Variants in TBC1D12 observed in about 807,000 individuals in gnomAD.
TBC1D12 encodes TBC1 domain family member 12.
In TBC1D12, 56 loss-of-function variants were observed where a neutral mutation model predicts 86.7. The observed-to-expected ratio is 0.65, with a 90% CI of 0.52 to 0.81. TBC1D12 has a LOEUF of 0.81. TBC1D12 is among the 30% of genes least tolerant of loss of function. TBC1D12 has a pLI of 0.00. For missense variants in TBC1D12, 1,023 were observed against 1,038.8 expected, an observed-to-expected ratio of 0.98 and a Z score of 0.21; for synonymous variants, 421 against 411.7, an observed-to-expected ratio of 1.02 and a Z score of -0.27.
chr10:94,417,898 G>A (rs1421872812), intron 1 of TBC1D12, among the ~76,000 whole-genome samples: 2 of 151,688 alleles, frequency 1.3e-5, no homozygotes, highest in Non-Finnish European at 2.9e-5. Context: ...ACAGGCGCCC[G>A]CCACCACGGC....
chr10:94,417,750 C>CA (rs1314856801), intron 1 of TBC1D12, among the ~76,000 whole-genome samples: 1 of 131,736 alleles, frequency 7.6e-6, no homozygotes, highest in Non-Finnish European at 1.6e-5. Flanking sequence ...GTCTCTTCTT[C>CA]TTTTTTTTTT....
chr10:94,448,932 G>A (rs896098251), intron 2 of TBC1D12, among the ~76,000 whole-genome samples: 1 of 152,094 alleles, frequency 6.6e-6, no homozygotes, highest in Non-Finnish European at 1.5e-5. Flanking sequence ...GCATTTCTGT[G>A]TATAAATGGA....
At position 94,403,540 on chromosome 10, in the gene TBC1D12, G is replaced by T; in HGVS notation, c.927G>T (p.Ser309=). ...PAAEQGPAGA[S]ARARRSGGFA... is the part of the protein sequence containing the mutation. The stretch of plus-strand genomic sequence containing the variant: ...CGGAGCAGGGTCCTGCGGGGGCTTC[G>T]GCCCGGGCTCGACGGAGTGGCGGCT... Residue 309 remains serine (S), a synonymous_variant, in exon 1 of 13, where the codon TCG becomes TCT. Transcript: ENST00000225235. The T allele has an allele frequency of 4.6e-6, 7 of 1,519,410 alleles. No individual in the cohort carries two copies. The highest frequency in any genetic ancestry group is 6.1e-6 in the Non-Finnish European group (7 of 1,143,472). 94.1% of individuals were successfully genotyped at this position (1,519,410 alleles called of 1,614,324 possible).
chr10:94,440,309 CA>C (rs2055361728), intron 1 of TBC1D12, among the ~76,000 whole-genome samples: 1 of 151,958 alleles, frequency 6.6e-6, no homozygotes, highest in Non-Finnish European at 1.5e-5. Flanking sequence ...GCAGGGACTA[CA>C]AGGTGTGCAC....
chr10:94,422,673 C>T (rs2055091658), intron 1 of TBC1D12, among the ~76,000 whole-genome samples: 1 of 152,214 alleles, frequency 6.6e-6, no homozygotes, highest in Admixed American at 6.5e-5. Context: ...CTCCTGCGCT[C>T]AAGCAGTCTT....
intron 2 of TBC1D12, among the ~76,000 whole-genome samples, chr10:94,452,510 A>G (rs563018528): frequency 6.6e-6 from 1 of 152,214 alleles, no homozygotes; most frequent in African/African-American, 2.4e-5. Flanking sequence ...CCTTTTCCAG[A>G]CTATTATGTA....
chr10:94,459,043 C>T lies in TBC1D12; in HGVS notation c.1096-15625C>T, dbSNP rs143439625. On this transcript the variant is annotated intron_variant, in intron 2 of 12. Coordinates refer to ENST00000225235, the MANE Select transcript of TBC1D12 (RefSeq NM_015188.2). The stretch of plus-strand genomic sequence containing the variant: ...TTTTATTTCTTTATCTGGCCCCACC[C>T]GCAGCCTACTGATTGGTCCATTTTA... Among the ~76,000 whole-genome samples, 13 of 151,526 alleles carry T rather than the reference C, an allele frequency of 8.6e-5. No individual in the cohort carries two copies. The East Asian group carries it at 1.2e-3, about 14-fold the overall frequency.
chr10:94,512,588 T>G (rs191371414), intron 9 of TBC1D12, among the ~76,000 whole-genome samples: 21 of 152,332 alleles, frequency 1.4e-4, no homozygotes, highest in Admixed American at 1.3e-3. Context: ...TCTGTCCTTA[T>G]GATGCTTACA....
chr10:94,456,814 T>C (rs2134113759), intron 2 of TBC1D12, among the ~76,000 whole-genome samples: 1 of 152,362 alleles, frequency 6.6e-6, no homozygotes, highest in South Asian at 2.1e-4. Flanking sequence ...CTTGTAGTTC[T>C]ATCCGTTTTT....
At chr10:94,419,350 T>C (rs1397841885) in intron 1 of TBC1D12, among the ~76,000 whole-genome samples, 1 of 152,088 alleles carries the variant, frequency 6.6e-6, no homozygotes, top group Non-Finnish European at 1.5e-5. Flanking sequence ...CATCGTGAAG[T>C]TTTTAACATT....
Position 94,531,310 on chromosome 10 carries a change from C to T in TBC1D12, c.2109C>T (p.Ile703=). Residue 703 remains isoleucine (I), a synonymous_variant, in exon 12 of 13, where the codon ATC becomes ATT. Transcript: ENST00000225235. ...TTTTATTTAGGACTGGATTAGGAAT[C>T]CTCCGATTATATGAAGATATTCTCC... ...EEFLFRTGLG[I]LRLYEDILLQ... 1 of 1,614,068 alleles carries T rather than the reference C, an allele frequency of 6.2e-7. No individual in the cohort carries two copies. The highest frequency in any genetic ancestry group is 1.3e-5 in the African/African-American group (1 of 75,020).
chr10:94,509,995 TTAAA>T (rs1471493434), intron 7 of TBC1D12, 92 bp from the exon 8 acceptor site: 2 of 820,304 alleles, frequency 2.4e-6, no homozygotes, highest in South Asian at 1.7e-5. Flanking sequence ...AGCTTTTAAC[TTAAA>T]TAACACATGC....
At chr10:94,454,374 G>C (rs2055595180) in intron 2 of TBC1D12, among the ~76,000 whole-genome samples, 1 of 152,116 alleles carries the variant, frequency 6.6e-6, no homozygotes, top group Admixed American at 6.6e-5. Context: ...ACCATGCCGG[G>C]CTAATTTTCT....
At chr10:94,406,501 A>T (rs576831938) in intron 1 of TBC1D12, among the ~76,000 whole-genome samples, 9 of 152,364 alleles carry the variant, frequency 5.9e-5, no homozygotes, top group Non-Finnish European at 1.3e-4. Context: ...GAACTGTGAC[A>T]TTCATCTCTG....
In TBC1D12 at chr10:94,533,924, G is replaced by T. The variant is rs1309053453; in HGVS notation, c.*828G>T. ...AAAAACATATATGATGTTTCTCAGTGATAAGAGTAAAAAGTAATGAATCCT... is the reference window on the plus strand; with the variant it reads ...AAAAACATATATGATGTTTCTCAGTTATAAGAGTAAAAAGTAATGAATCCT... On this transcript the variant is annotated 3_prime_UTR_variant, in exon 13 of 13. Coordinates refer to ENST00000225235, the MANE Select transcript of TBC1D12 (RefSeq NM_015188.2). The T allele has an allele frequency of 6.6e-6, 1 of 152,142 alleles. No individual in the cohort carries two copies. Among genetic ancestry groups the T allele is most frequent in the African/African-American group, 2.4e-5 (1 of 41,434 alleles). 9.4% of individuals were successfully genotyped at this position (152,142 alleles called of 1,614,324 possible). A position where few individuals can be genotyped will look rare whatever the true frequency, so the allele number is the denominator to read the frequency against.
chr10:94,458,849 T>A (rs907022960), intron 2 of TBC1D12, among the ~76,000 whole-genome samples: 1 of 152,162 alleles, frequency 6.6e-6, no homozygotes, highest in Non-Finnish European at 1.5e-5. Context: ...TCTTGCTGCC[T>A]TCAGGAGTGA....
chr10:94,487,542 C>G (rs911784421), intron 3 of TBC1D12, among the ~76,000 whole-genome samples: 1 of 151,786 alleles, frequency 6.6e-6, no homozygotes, highest in Non-Finnish European at 1.5e-5. Flanking sequence ...TTATTTTAAA[C>G]TGATGACAAC....
chr10:94,419,888 G>T (rs901432345), intron 1 of TBC1D12, among the ~76,000 whole-genome samples: 2 of 152,080 alleles, frequency 1.3e-5, no homozygotes, highest in Non-Finnish European at 1.5e-5. Context: ...CTTTTGGTTT[G>T]GGATACTTAC....
chr10:94,414,468 C>A (rs2054972067), intron 1 of TBC1D12, among the ~76,000 whole-genome samples: 1 of 152,136 alleles, frequency 6.6e-6, no homozygotes, highest in Admixed American at 6.5e-5. Context: ...TCTAATTTTT[C>A]TACTTGGCAT....
Sources: allele counts gnomAD v4.1 joint callset (sites outside exome capture counted in the v4.1 genomes callset), GRCh38; gene constraint gnomAD v4.1.1; transcripts MANE v1.5; gene names NCBI Gene and HGNC (gene_info 2026-07-23, HGNC 2026-07-21).